FRMD4A: variants seen among roughly 807,000 people sequenced by gnomAD.
FRMD4A encodes the protein FERM domain-containing protein 4A.
FRMD4A carries 29 observed loss-of-function variants against 129.1 expected under a neutral mutation model. That is an observed-to-expected ratio of 0.22 (90% CI 0.17 to 0.31). The LOEUF is 0.31. Ranked by LOEUF, FRMD4A falls within the 10% of genes least tolerant of loss-of-function variation. The pLI is 1.00. For missense variants in FRMD4A, 1,272 were observed against 1,375.8 expected, an observed-to-expected ratio of 0.92 and a Z score of 1.19; for synonymous variants, 634 against 571.6, an observed-to-expected ratio of 1.11 and a Z score of -1.56.
At chr10:14,162,000 ATTACT>A (rs1840911826) in intron 2 of FRMD4A, among the ~76,000 whole-genome samples, 1 of 150,956 alleles carries the variant, frequency 6.6e-6, no homozygotes, top group Non-Finnish European at 1.5e-5. Flanking sequence ...TTTATATTAA[ATTACT>A]TTAAGTTATA....
At chr10:13,964,711 C>G (rs1345348127) in intron 2 of FRMD4A, among the ~76,000 whole-genome samples, 2 of 145,786 alleles carry the variant, frequency 1.4e-5, no homozygotes, top group African/African-American at 5.0e-5. Context: ...TTCGCTCTGT[C>G]ACCAGGCTGG....
intron 2 of FRMD4A, among the ~76,000 whole-genome samples, chr10:14,199,672 G>C (rs1277983097): frequency 4.6e-5 from 7 of 152,116 alleles, no homozygotes; most frequent in Non-Finnish European, 7.4e-5. Flanking sequence ...GTACAGGTGT[G>C]TGCCACCGTG....
chr10:14,089,630 C>CAAAAAAAAAAAAAAAAAAAA (rs59553317), intron 2 of FRMD4A, among the ~76,000 whole-genome samples: 1 of 130,808 alleles, frequency 7.6e-6, no homozygotes, highest in Non-Finnish European at 1.6e-5. Context: ...AAAAAAAAAA[C>CAAAAAAAAAAAAAAAAAAAA]AAAAAAAAAC....
chr10:14,090,570 C>A (rs531069566), intron 2 of FRMD4A, among the ~76,000 whole-genome samples: 1 of 152,210 alleles, frequency 6.6e-6, no homozygotes, highest in Non-Finnish European at 1.5e-5. Flanking sequence ...AGCATCCCCC[C>A]AGCCGCTCCA....
At chr10:13,915,681 A>T (rs2131241504) in intron 2 of FRMD4A, among the ~76,000 whole-genome samples, 1 of 151,846 alleles carries the variant, frequency 6.6e-6, no homozygotes, top group Non-Finnish European at 1.5e-5. Flanking sequence ...AAAAAAAAAA[A>T]AAAAAGTGGG....
chr10:14,185,701 G>A (rs931662635), intron 2 of FRMD4A, among the ~76,000 whole-genome samples: 5 of 152,318 alleles, frequency 3.3e-5, no homozygotes, highest in East Asian at 1.9e-4. Context: ...CAGCTCAACA[G>A]TGGCACCTTC....
At chr10:14,195,094 A>G (rs60450521) in intron 2 of FRMD4A, among the ~76,000 whole-genome samples, 166 of 152,336 alleles carry the variant, frequency 1.1e-3, no homozygotes, top group African/African-American at 3.9e-3. Context: ...ACACAGAACA[A>G]TAAGAATTGG....
intron 2 of FRMD4A, among the ~76,000 whole-genome samples, chr10:14,002,386 C>T (rs185682414): frequency 5.9e-4 from 90 of 152,250 alleles, no homozygotes; most frequent in African/African-American, 2.0e-3. Flanking sequence ...AAGAGCATTT[C>T]GCTTTCTCCG....
In FRMD4A at chr10:14,123,741, G is replaced by T. The variant is rs1335011373; in HGVS notation, c.45+206317C>A. On this transcript the variant is annotated intron_variant, in intron 2 of 24. Coordinates refer to ENST00000357447, the MANE Select transcript of FRMD4A (RefSeq NM_018027.5). ...TGTTCCTGGGAGAGGCCACAGAACTGTTCTGGAGCTGAAGTTCAAGTTCAA... is the reference window on the plus strand; with the variant it reads ...TGTTCCTGGGAGAGGCCACAGAACTTTTCTGGAGCTGAAGTTCAAGTTCAA... Among the ~76,000 whole-genome samples, 8 of 152,208 alleles carry T rather than the reference G, an allele frequency of 5.3e-5. No individual in the cohort carries two copies. The South Asian group carries it at 1.7e-3, about 32-fold the overall frequency.
At chr10:14,051,720 C>T (rs7913892) in intron 2 of FRMD4A, among the ~76,000 whole-genome samples, 7,622 of 152,232 alleles carry the variant, frequency 0.05, 314 homozygotes, top group East Asian at 0.13. Context: ...GTCCCGTGGG[C>T]AGCCTAGTCT....
At position 14,151,635 on chromosome 10, in the gene FRMD4A, C is replaced by T. The variant is rs149238639; in HGVS notation, c.45+178423G>A. The stretch of plus-strand genomic sequence containing the variant: ...TGTGATAAGCAAGGACATGTACCCT[C>T]TAAATAAAAAATAAAATTCATATAT... On this transcript the variant is annotated intron_variant, in intron 2 of 24. Transcript: ENST00000357447. 3.4e-3 allele frequency among the ~76,000 whole-genome samples: 515 copies of T among 152,052 alleles called. 4 individuals are homozygous for T. The highest frequency in any genetic ancestry group is 0.012 in the African/African-American group (496 of 41,488).
intron 9 of FRMD4A, chr10:13,744,806 T>G (rs947937931): frequency 2.0e-5 from 3 of 152,240 alleles, no homozygotes; most frequent in Non-Finnish European, 4.4e-5. Flanking sequence ...TTAACCTTGC[T>G]GAGTGGTGAA....
chr10:14,085,406 A>G (rs1232864964), intron 2 of FRMD4A, among the ~76,000 whole-genome samples: 2 of 152,220 alleles, frequency 1.3e-5, no homozygotes, highest in Non-Finnish European at 2.9e-5. Context: ...TTCAGTTAAT[A>G]CTGCAAAAAT....
chr10:13,690,003 T>G (rs2085530035), intron 15 of FRMD4A, among the ~76,000 whole-genome samples: 1 of 152,198 alleles, frequency 6.6e-6, no homozygotes, highest in Non-Finnish European at 1.5e-5. Context: ...TGGAGACTAG[T>G]TTCTCAAAAT....
intron 2 of FRMD4A, among the ~76,000 whole-genome samples, chr10:14,102,405 T>C (rs1415577382): frequency 3.9e-5 from 6 of 152,204 alleles, no homozygotes; most frequent in African/African-American, 1.4e-4. Flanking sequence ...CGCAGGCCTA[T>C]AGTCCCAGCT....
chr10:14,160,539 C>T (rs1840831236), intron 2 of FRMD4A, among the ~76,000 whole-genome samples: 1 of 152,204 alleles, frequency 6.6e-6, no homozygotes, highest in South Asian at 2.1e-4. Flanking sequence ...AACTATTCAT[C>T]TGACAAGGAA....
intron 2 of FRMD4A, among the ~76,000 whole-genome samples, chr10:13,879,347 A>G (rs947352053): frequency 6.6e-6 from 1 of 152,054 alleles, no homozygotes; most frequent in Non-Finnish European, 1.5e-5. Context: ...ACAAACAAAA[A>G]AAATCTTTTA....
chr10:14,254,413 C>T (rs549055281), intron 2 of FRMD4A, among the ~76,000 whole-genome samples: 1 of 152,262 alleles, frequency 6.6e-6, no homozygotes, highest in Non-Finnish European at 1.5e-5. Flanking sequence ...GGACATCCTT[C>T]AGAAGGGAGA....
chr10:14,060,918 T>A (rs1834777813), intron 2 of FRMD4A, among the ~76,000 whole-genome samples: 1 of 152,126 alleles, frequency 6.6e-6, no homozygotes, highest in Admixed American at 6.6e-5. Context: ...CCATGAGTAA[T>A]GTTAATAGAC....
Sources: gnomAD v4.1 joint callset for allele counts (sites outside exome capture counted in the v4.1 genomes callset) on GRCh38, gnomAD v4.1.1 for gene constraint, MANE v1.5 for transcripts, NCBI Gene and HGNC (gene_info 2026-07-23, HGNC 2026-07-21) for gene names.